Variants in AHI1 observed in about 807,000 individuals in gnomAD.
AHI1 encodes jouberin.
In AHI1, 123 loss-of-function variants were observed where a neutral mutation model predicts 149.3. That is an observed-to-expected ratio of 0.82 (90% confidence interval 0.71 to 0.96). AHI1 has a LOEUF of 0.96. Ranked by LOEUF, AHI1 falls within the 40% of genes least tolerant of loss-of-function variation. The pLI is 0.00. For synonymous variants in AHI1, 475 were observed against 459.8 expected (o/e 1.03, Z -0.42); for missense variants, 1,439 against 1,422.7 (o/e 1.01, Z -0.18).
intron 5 of AHI1, chr6:135,490,036 C>T (rs531333191): frequency 1.6e-5 from 10 of 607,596 alleles, no homozygotes; most frequent in East Asian, 2.8e-5. Context: ...AGAGCATTAA[C>T]TGTGGATGCC....
intron 24 of AHI1, among the ~76,000 whole-genome samples, chr6:135,349,947 T>C (rs1255705815): frequency 6.6e-6 from 1 of 152,222 alleles, no homozygotes; most frequent in Non-Finnish European, 1.5e-5. Flanking sequence ...CTCATTCATA[T>C]TGCTGGATCT....
Position 135,357,102 on chromosome 6 carries a change from A to C in AHI1, c.3165+1030T>G, listed in dbSNP as rs369927359. ...TACAGGCATGCACCACCATGCCCAG[A>C]TAACTTTTTGTATTTTAGTAGAGAT... On this transcript the variant is annotated intron_variant, in intron 24 of 28. Transcript: ENST00000265602. Among the ~76,000 whole-genome samples the C allele has an allele frequency of 1.6e-3, 248 of 152,172 alleles. 1 individual carries two copies. Among genetic ancestry groups the C allele is most frequent in the African/African-American group, 5.7e-3 (237 of 41,516 alleles).
chr6:135,302,912 C>T, intron 26 of AHI1: 5 of 791,622 alleles, frequency 6.3e-6, no homozygotes, highest in Non-Finnish European at 8.8e-6. Context: ...CCCTTCTTTC[C>T]ACACACACTT....
At chr6:135,378,803 G>C (rs1487040027) in intron 23 of AHI1, among the ~76,000 whole-genome samples, 3 of 152,040 alleles carry the variant, frequency 2.0e-5, no homozygotes, top group Non-Finnish European at 4.4e-5. Flanking sequence ...TTACAATGCA[G>C]AGTTAAAAAA....
chr6:135,440,881 C>A (rs770004905), intron 14 of AHI1, among the ~76,000 whole-genome samples: 32 of 152,040 alleles, frequency 2.1e-4, no homozygotes, highest in Non-Finnish European at 3.4e-4. Context: ...AGAGTTGCCA[C>A]ACTGCATTAT....
chr6:135,286,175 T>C (rs1472770867), intron 28 of AHI1, among the ~76,000 whole-genome samples: 1 of 152,250 alleles, frequency 6.6e-6, no homozygotes, highest in East Asian at 1.9e-4. Flanking sequence ...CTGTCTCATT[T>C]TTGACCAAGA....
intron 5 of AHI1, among the ~76,000 whole-genome samples, chr6:135,489,475 T>C (rs1794939827): frequency 6.6e-6 from 1 of 152,150 alleles, no homozygotes; most frequent in Non-Finnish European, 1.5e-5. Flanking sequence ...GACAACTGTT[T>C]CCAGGGTTCT....
chr6:135,472,468 C>T (rs1791906222), intron 5 of AHI1, among the ~76,000 whole-genome samples: 1 of 152,146 alleles, frequency 6.6e-6, no homozygotes, highest in African/African-American at 2.4e-5. Flanking sequence ...CAGTTTTGTG[C>T]TAGTATTAGA....
intron 22 of AHI1, 26 bp downstream of exon 22, chr6:135,404,925 T>C: frequency 1.9e-6 from 3 of 1,602,928 alleles, no homozygotes; most frequent in Non-Finnish European, 2.6e-6. Flanking sequence ...TTTGAAGTTA[T>C]CTTCCTGGTA....
At chr6:135,344,781 T>A (rs1481063473) in intron 24 of AHI1, among the ~76,000 whole-genome samples, 3 of 151,792 alleles carry the variant, frequency 2.0e-5, no homozygotes, top group Admixed American at 2.0e-4. Context: ...TTTTTAGAAT[T>A]ACAGGAGAAT....
Position 135,490,756 on chromosome 6 carries a change from G to A in AHI1, c.11-9C>T, listed in dbSNP as rs779186190. 6.2e-7 allele frequency: 1 copy of A among 1,611,650 alleles called. No homozygotes were observed. Reference sequence around the variant, plus strand: ...TTTTGCTTCACTCTCAGCTACAAAAGATACAGCCATGTGATTTTGTAAATG... The same window carrying A: ...TTTTGCTTCACTCTCAGCTACAAAAAATACAGCCATGTGATTTTGTAAATG... On this transcript the variant is annotated splice_polypyrimidine_tract_variant and intron_variant, in intron 4 of 28. Coordinates refer to ENST00000265602, the MANE Select transcript of AHI1 (RefSeq NM_001134831.2).
At chr6:135,357,963 A>G (rs954003897) in intron 24 of AHI1, among the ~76,000 whole-genome samples, 169 bp downstream of exon 24, 36 of 152,224 alleles carry the variant, frequency 2.4e-4, no homozygotes, top group African/African-American at 8.4e-4. Flanking sequence ...TACATTATCA[A>G]AACTATAAAT....
intron 20 of AHI1, among the ~76,000 whole-genome samples, chr6:135,423,445 T>C (rs1156986838): frequency 6.6e-6 from 1 of 152,166 alleles, no homozygotes; most frequent in Non-Finnish European, 1.5e-5. Context: ...TATAGGAAAC[T>C]AAAGGTACAT....
chr6:135,302,942 A>C (rs1784071206), intron 26 of AHI1: 1 of 569,544 alleles, frequency 1.8e-6, no homozygotes, highest in East Asian at 7.3e-5. Flanking sequence ...TTGTTTTATG[A>C]CTTTGTTTCC....
At chr6:135,416,055 T>G (rs1782330506) in intron 20 of AHI1, among the ~76,000 whole-genome samples, 1 of 152,140 alleles carries the variant, frequency 6.6e-6, no homozygotes, top group Non-Finnish European at 1.5e-5. Flanking sequence ...ATTATCTTGA[T>G]TGAGGCAATA....
In AHI1 at chr6:135,411,356, T is replaced by C. The variant is rs1468973188; in HGVS notation, c.2953A>G (p.Thr985Ala). 1 of 1,611,350 alleles carries C rather than the reference T, an allele frequency of 6.2e-7. No individual in the cohort carries two copies. The highest frequency in any genetic ancestry group is 8.5e-7 in the Non-Finnish European group (1 of 1,177,718). The part of the protein sequence containing the change: ...KMQLVKQRLE[T>A]VTEVIRSCAA... The stretch of plus-strand genomic sequence containing the variant: ...GCATAAAATAAACTTACTGTGACAG[T>C]TTCAAGCCTCTGTTTTACTAGCTGC... Residue 985 changes from threonine to alanine, a missense_variant, in exon 21 of 29, where the codon ACT becomes GCT. By Grantham distance (58) the Thr-to-Ala change is moderately conservative. Transcript: ENST00000265602.
chr6:135,343,537 G>C (rs533520917), intron 24 of AHI1, among the ~76,000 whole-genome samples: 10 of 151,440 alleles, frequency 6.6e-5, no homozygotes, highest in African/African-American at 2.4e-4. Context: ...TAGAATAGGC[G>C]TGTGTATGGA....
chr6:135,431,880 C>A (rs1236903762), intron 16 of AHI1, among the ~76,000 whole-genome samples: 1 of 152,144 alleles, frequency 6.6e-6, no homozygotes, highest in African/African-American at 2.4e-5. Context: ...TATAAAACAG[C>A]TATTCAACTG....
chr6:135,402,335 T>C (rs1300305996), intron 22 of AHI1, among the ~76,000 whole-genome samples: 8 of 152,126 alleles, frequency 5.3e-5, no homozygotes, highest in Non-Finnish European at 8.8e-5. Context: ...CCCATAGAAA[T>C]GAGAATATAT....
Sources: allele counts gnomAD v4.1 joint callset (sites outside exome capture counted in the v4.1 genomes callset), GRCh38; gene constraint gnomAD v4.1.1; transcripts MANE v1.5; gene names NCBI Gene and HGNC (gene_info 2026-07-23, HGNC 2026-07-21).